EML2: variants seen among roughly 807,000 people sequenced by gnomAD.
EML2 encodes EMAP like 2, also known as echinoderm microtubule-associated protein-like 2.
EML2 carries 59 observed loss-of-function variants against 84.7 expected under a neutral mutation model. The observed-to-expected ratio is 0.70, with a 90% CI of 0.56 to 0.86. EML2 has a LOEUF of 0.86. Ranked by LOEUF, EML2 falls within the 40% of genes least tolerant of loss-of-function variation. The pLI is 0.00. For synonymous variants in EML2, 352 were observed against 348.9 expected (o/e 1.01, Z -0.10); for missense variants, 818 against 855.6 (o/e 0.96, Z 0.55).
At chr19:45,616,059 C>T in intron 15 of EML2, 170 bp from the exon 16 acceptor site, 1 of 626,068 alleles carries the variant, frequency 1.6e-6, no homozygotes, top group South Asian at 1.8e-5. Context: ...GGCCAGAATA[C>T]TGTGGGCGGG....
chr19:45,645,330 G>T (rs1039342423), upstream of EML2: 4 of 1,532,130 alleles, frequency 2.6e-6, no homozygotes, highest in South Asian at 1.2e-5. Context: ...GCCGGGCCGC[G>T]CTCCGCCATC....
At chr19:45,610,331 AGGTTGC>A (rs1970361905) in intron 18 of EML2, among the ~76,000 whole-genome samples, 5 of 152,144 alleles carry the variant, frequency 3.3e-5, no homozygotes, top group African/African-American at 1.2e-4. Flanking sequence ...AGGGAGTCGG[AGGTTGC>A]AGTGAGCCAA....
At chr19:45,625,075 CTCTT>C (rs1972144848) in intron 8 of EML2, among the ~76,000 whole-genome samples, 4 of 152,130 alleles carry the variant, frequency 2.6e-5, no homozygotes, top group African/African-American at 7.2e-5. Flanking sequence ...GTCCCCCTGA[CTCTT>C]TCTTTTGAGA....
intron 16 of EML2, among the ~76,000 whole-genome samples, chr19:45,615,555 T>TAA (rs397704850): frequency 4.4e-4 from 65 of 146,178 alleles, no homozygotes; most frequent in Non-Finnish European, 7.3e-4. Context: ...ATAATAATAA[T>TAA]TAAAAATTTA....
At chr19:45,627,729 G>A (rs1191469057) in intron 7 of EML2, among the ~76,000 whole-genome samples, 1 of 152,160 alleles carries the variant, frequency 6.6e-6, no homozygotes, top group Non-Finnish European at 1.5e-5. Flanking sequence ...ATCTCCCTGT[G>A]AGGTCAAGAC....
rs756751133 is a variant in EML2, at chr19:45,609,714, G to A, written c.1899C>T (p.Ala633=). 5 of 1,613,656 alleles carry A rather than the reference G, an allele frequency of 3.1e-6. No homozygotes were observed. The East Asian group carries it at 1.1e-4, about 36-fold the overall frequency. The change falls in exon 19 of 19, where the codon GCC becomes GCT. Residue 633 remains alanine (A), a synonymous_variant. Coordinates refer to ENST00000245925, the MANE Select transcript of EML2 (RefSeq NM_012155.4). ...TGGTGTCCTTGCCCCCTGTGGTCAG[G>A]GCCATGCTGTCATCCCACAAGAAGG... is the stretch of plus-strand genomic sequence containing the variant. ...NVAFLWDDSM[A]LTTGGKDTSV... is the part of the protein sequence containing the mutation.
At chr19:45,645,629 T>C (rs976033122), upstream of EML2, 5 of 556,652 alleles carry the variant, frequency 9.0e-6, no homozygotes, top group East Asian at 1.0e-4. Context: ...AACCGGAGTA[T>C]AGTCTCTCTA....
intron 12 of EML2, among the ~76,000 whole-genome samples, chr19:45,617,950 C>T (rs1166210854): frequency 6.6e-6 from 1 of 152,236 alleles, no homozygotes; most frequent in Non-Finnish European, 1.5e-5. Flanking sequence ...CTTCTAAATT[C>T]CCACAGCTTT....
intron 8 of EML2, 25 bp downstream of exon 8, chr19:45,626,680 T>C: frequency 1.9e-6 from 3 of 1,596,666 alleles, no homozygotes; most frequent in Non-Finnish European, 2.6e-6. Context: ...AGGGCCAGCC[T>C]GTCCCCCAAA....
chr19:45,642,158 G>A, upstream of EML2: 1 of 1,516,558 alleles, frequency 6.6e-7, no homozygotes, highest in South Asian at 1.2e-5. Flanking sequence ...CCTAAGCGCG[G>A]AGGCGCCCGG....
chr19:45,624,627 A>G, intron 9 of EML2, 92 bp downstream of exon 9: 2 of 918,308 alleles, frequency 2.2e-6, no homozygotes, highest in Non-Finnish European at 1.7e-6. Context: ...ATTTACACTC[A>G]TTTCACACAA....
intron 18 of EML2, among the ~76,000 whole-genome samples, chr19:45,610,788 C>T (rs751625388): frequency 3.3e-5 from 5 of 151,830 alleles, no homozygotes; most frequent in South Asian, 2.1e-4. Context: ...TGCAGTGAGC[C>T]GAGATCGTGC....
chr19:45,611,312 G>A (rs1454449072), intron 18 of EML2, among the ~76,000 whole-genome samples: 1 of 151,826 alleles, frequency 6.6e-6, no homozygotes, highest in East Asian at 2.0e-4. Flanking sequence ...TCAGGAGGCT[G>A]AGTCAGGAGA....
At chr19:45,626,940 T>C in intron 7 of EML2, 101 bp from the exon 8 acceptor site, 1 of 1,096,348 alleles carries the variant, frequency 9.1e-7, no homozygotes, top group Non-Finnish European at 1.2e-6. Context: ...TTGTGTTGTA[T>C]GCTGCACACC....
Position 45,632,842 on chromosome 19 carries a change from G to T in EML2, c.510+19C>A. 1 of 1,606,900 alleles carries T rather than the reference G, an allele frequency of 6.2e-7. No homozygotes were observed. Among genetic ancestry groups the T allele is most frequent in the South Asian group, 1.1e-5 (1 of 90,374 alleles). On this transcript the variant is annotated intron_variant, in intron 6 of 18. Transcript: ENST00000245925. ...TTTTCGGGGCGAAGGGGCGGGGTTA[G>T]GGTGGGCGAAGGACTTACAGATTTG...
intron 7 of EML2, 121 bp downstream of exon 7, chr19:45,629,830 C>A: frequency 2.6e-6 from 2 of 760,448 alleles, no homozygotes; most frequent in South Asian, 3.0e-5. Context: ...AGTCACACAG[C>A]CAGCAAGGAG....
chr19:45,616,289 G>T, intron 15 of EML2, 172 bp downstream of exon 15: 1 of 590,084 alleles, frequency 1.7e-6, no homozygotes, highest in South Asian at 2.1e-5. Context: ...ACAAAGGGGC[G>T]GGCTTAGAAC....
At chr19:45,635,392 G>T (rs1182571276) in intron 3 of EML2, among the ~76,000 whole-genome samples, 1 of 152,006 alleles carries the variant, frequency 6.6e-6, no homozygotes, top group Non-Finnish European at 1.5e-5. Flanking sequence ...ACCCACCTTG[G>T]TCTCCCAAAG....
At chr19:45,644,454 A>C (rs35650950), upstream of EML2, among the ~76,000 whole-genome samples, 20,657 of 152,082 alleles carry the variant, frequency 0.14, 1,638 homozygotes, top group South Asian at 0.2. Context: ...GTGTGCCCAG[A>C]GGACTGAACC....
Sources: allele counts gnomAD v4.1 joint callset (sites outside exome capture counted in the v4.1 genomes callset), GRCh38; gene constraint gnomAD v4.1.1; transcripts MANE v1.5; gene names NCBI Gene and HGNC (gene_info 2026-07-23, HGNC 2026-07-21).